Variants in JARID2 observed in about 807,000 individuals in gnomAD.
The protein encoded by JARID2 is protein Jumonji.
Under a neutral mutation model 125.6 loss-of-function variants are expected in JARID2, and 21 were observed. The observed-to-expected ratio is 0.17, with a 90% CI of 0.12 to 0.24. The LOEUF (loss-of-function observed/expected upper bound fraction) is 0.24. Among genes scored for constraint, JARID2 ranks in the 10% least tolerant of loss-of-function variants. The pLI is 1.00. For synonymous variants in JARID2, 736 were observed against 661.6 expected, an observed-to-expected ratio of 1.11 and a Z score of -1.73; for missense variants, 1,303 against 1,639.6, an observed-to-expected ratio of 0.79 and a Z score of 3.55.
intron 5 of JARID2, among the ~76,000 whole-genome samples, chr6:15,472,810 C>T (rs1016456771): frequency 6.6e-6 from 1 of 152,246 alleles, no homozygotes; most frequent in Non-Finnish European, 1.5e-5. Flanking sequence ...TGAGCAGGCA[C>T]TCACTTCCTG....
At chr6:15,252,584 C>G (rs1348531211) in intron 1 of JARID2, among the ~76,000 whole-genome samples, 1 of 152,152 alleles carries the variant, frequency 6.6e-6, no homozygotes, top group Non-Finnish European at 1.5e-5. Context: ...AATTTTGCAC[C>G]TAATTCATGG....
chr6:15,400,884 G>A (rs1305382711), intron 2 of JARID2: 2 of 1,287,884 alleles, frequency 1.6e-6, no homozygotes, highest in Non-Finnish European at 2.0e-6. Context: ...GCCTCACTGC[G>A]CTCTTCCTCC....
intron 11 of JARID2, among the ~76,000 whole-genome samples, chr6:15,507,962 G>C (rs1771089981): frequency 6.6e-6 from 1 of 152,242 alleles, no homozygotes; most frequent in African/African-American, 2.4e-5. Flanking sequence ...TACCAACAAA[G>C]GGGCTTTCTT....
chr6:15,282,860 C>G (rs1460933844), intron 1 of JARID2, among the ~76,000 whole-genome samples: 1 of 152,226 alleles, frequency 6.6e-6, no homozygotes, highest in Non-Finnish European at 1.5e-5. Context: ...CTCGGCCTCC[C>G]AAAGTGCTGG....
At chr6:15,373,963 C>T (rs1309678092) in intron 1 of JARID2, among the ~76,000 whole-genome samples, 154 bp from the exon 2 acceptor site, 2 of 152,138 alleles carry the variant, frequency 1.3e-5, no homozygotes, top group African/African-American at 4.8e-5. Context: ...AGGTCATTGC[C>T]CCTTTACCTT....
At chr6:15,329,536 C>T (rs1210559612) in intron 1 of JARID2, among the ~76,000 whole-genome samples, 3 of 152,168 alleles carry the variant, frequency 2.0e-5, no homozygotes, top group Non-Finnish European at 4.4e-5. Context: ...CTGTCCTTAT[C>T]CCCACTGGAG....
chr6:15,434,075 A>T (rs1461703431), intron 3 of JARID2, among the ~76,000 whole-genome samples: 1 of 151,752 alleles, frequency 6.6e-6, no homozygotes, highest in African/African-American at 2.4e-5. Flanking sequence ...CCAGTGGGGG[A>T]ATCTGCCCGT....
At chr6:15,293,324 A>G (rs1581379113) in intron 1 of JARID2, among the ~76,000 whole-genome samples, 1 of 152,120 alleles carries the variant, frequency 6.6e-6, no homozygotes. Context: ...CTGTGGCAGG[A>G]GAATAGCTTG....
At chr6:15,362,799 TAGG>T (rs1413318568) in intron 1 of JARID2, among the ~76,000 whole-genome samples, 12 of 152,210 alleles carry the variant, frequency 7.9e-5, no homozygotes, top group African/African-American at 2.9e-4. Context: ...AGAGACATTT[TAGG>T]AGATTTCTTG....
At chr6:15,258,437 A>C (rs16876169) in intron 1 of JARID2, among the ~76,000 whole-genome samples, 23,857 of 152,088 alleles carry the variant, frequency 0.16, 2,649 homozygotes, top group African/African-American at 0.32. Context: ...TTGGCCTCTC[A>C]AGGTCATTTT....
At chr6:15,458,631 TG>T in intron 4 of JARID2, among the ~76,000 whole-genome samples, 1 of 152,140 alleles carries the variant, frequency 6.6e-6, no homozygotes. Flanking sequence ...GTATTGGTGG[TG>T]GGTGAAATTG....
chr6:15,250,791 C>T (rs1419081189), intron 1 of JARID2, among the ~76,000 whole-genome samples: 1 of 152,146 alleles, frequency 6.6e-6, no homozygotes, highest in East Asian at 1.9e-4. Context: ...AGGCTATTGA[C>T]GCACTTCCAA....
chr6:15,489,473 C>T (rs938648254), intron 6 of JARID2, among the ~76,000 whole-genome samples: 18 of 152,212 alleles, frequency 1.2e-4, no homozygotes, highest in African/African-American at 1.7e-4. Context: ...GCGTGGGATA[C>T]GCCTGTCATC....
intron 13 of JARID2, among the ~76,000 whole-genome samples, chr6:15,511,669 G>A (rs1414901910): frequency 2.6e-5 from 4 of 152,180 alleles, no homozygotes; most frequent in African/African-American, 4.8e-5. Context: ...TCTTGTGCCC[G>A]CCGCTCCTAC....
chr6:15,478,125 G>T (rs1387505484), intron 5 of JARID2, among the ~76,000 whole-genome samples: 1 of 152,196 alleles, frequency 6.6e-6, no homozygotes, highest in African/African-American at 2.4e-5. Flanking sequence ...GGGATAGTTG[G>T]CCCATGCCCC....
At chr6:15,353,691 C>CAA (rs1321696710) in intron 1 of JARID2, among the ~76,000 whole-genome samples, 1 of 152,086 alleles carries the variant, frequency 6.6e-6, no homozygotes, top group Non-Finnish European at 1.5e-5. Flanking sequence ...TTGTAAACCC[C>CAA]TTCAACCAAT....
At chr6:15,372,419 C>T (rs780644135) in intron 1 of JARID2, among the ~76,000 whole-genome samples, 23 of 152,086 alleles carry the variant, frequency 1.5e-4, no homozygotes, top group Non-Finnish European at 1.2e-4. Context: ...AGTGCAGTGG[C>T]GTGATCTTGG....
At chr6:15,465,084 C>A (rs1452242281) in intron 4 of JARID2, among the ~76,000 whole-genome samples, 2 of 152,164 alleles carry the variant, frequency 1.3e-5, no homozygotes, top group African/African-American at 4.8e-5. Context: ...GGTCACATCA[C>A]ATATTCGTAT....
At chr6:15,386,927 T>G (rs1048651223) in intron 2 of JARID2, among the ~76,000 whole-genome samples, 2 of 152,228 alleles carry the variant, frequency 1.3e-5, no homozygotes, top group African/African-American at 4.8e-5. Flanking sequence ...TGAACTGTTG[T>G]GTAAACTCAG....
Sources: gnomAD v4.1 joint callset for allele counts (sites outside exome capture counted in the v4.1 genomes callset) on GRCh38, gnomAD v4.1.1 for gene constraint, MANE v1.5 for transcripts, NCBI Gene and HGNC (gene_info 2026-07-23, HGNC 2026-07-21) for gene names.